Variants in MTX2 observed in about 807,000 individuals in gnomAD.
The protein encoded by MTX2 is metaxin 2, also known as metaxin-2.
In MTX2, 35 loss-of-function variants were observed where a neutral mutation model predicts 42.3. That is an observed-to-expected ratio of 0.83 (90% CI 0.63 to 1.10). The LOEUF (loss-of-function observed/expected upper bound fraction) is 1.10. MTX2 is among the 50% of genes least tolerant of loss of function. MTX2 has a pLI of 0.00. For synonymous variants in MTX2, 119 were observed against 100.9 expected (o/e 1.18, Z -1.08); for missense variants, 307 against 304.1 (o/e 1.01, Z -0.07).
chr2:176,269,763 A>G, intron 1 of MTX2, 94 bp downstream of exon 1: 5 of 1,414,346 alleles, frequency 3.5e-6, no homozygotes, highest in East Asian at 2.7e-5. Flanking sequence ...GCCTTGCGGC[A>G]TTATACGCTG....
At chr2:176,291,582 C>T (rs775660226) in intron 1 of MTX2, among the ~76,000 whole-genome samples, 6 of 151,946 alleles carry the variant, frequency 3.9e-5, no homozygotes, top group Non-Finnish European at 5.9e-5. Flanking sequence ...AGGAGGTCAG[C>T]GAAAACTTCC....
At chr2:176,289,954 A>T (rs772257658) in intron 1 of MTX2, among the ~76,000 whole-genome samples, 1 of 152,150 alleles carries the variant, frequency 6.6e-6, no homozygotes, top group South Asian at 2.1e-4. Flanking sequence ...AATTTTTCAC[A>T]TTCTAGGAAT....
At chr2:176,273,274 C>T (rs1692866792) in intron 1 of MTX2, among the ~76,000 whole-genome samples, 1 of 152,144 alleles carries the variant, frequency 6.6e-6, no homozygotes. Flanking sequence ...AGGGGATATT[C>T]AGACTATAGC....
chr2:176,331,950 A>C (rs780318383), intron 9 of MTX2, among the ~76,000 whole-genome samples: 1 of 151,228 alleles, frequency 6.6e-6, no homozygotes, highest in Non-Finnish European at 1.5e-5. Context: ...TTCTCAGTTA[A>C]ACTCATTGTC....
intron 1 of MTX2, among the ~76,000 whole-genome samples, chr2:176,279,639 C>G (rs958378885): frequency 6.6e-6 from 1 of 152,012 alleles, no homozygotes; most frequent in Admixed American, 6.6e-5. Flanking sequence ...TACTGTTCAT[C>G]GATTTAAGAT....
intron 1 of MTX2, among the ~76,000 whole-genome samples, chr2:176,282,310 T>C (rs1027191441): frequency 2.6e-5 from 4 of 152,040 alleles, no homozygotes; most frequent in Admixed American, 1.3e-4. Flanking sequence ...TTATATTCTT[T>C]TGCAGAAATA....
chr2:176,305,109 T>A (rs1684109117), intron 3 of MTX2, among the ~76,000 whole-genome samples: 1 of 152,008 alleles, frequency 6.6e-6, no homozygotes, highest in South Asian at 2.1e-4. Flanking sequence ...GTGCTGTGTA[T>A]CTAACTTGAA....
chr2:176,300,122 C>T (rs554861146), intron 3 of MTX2, among the ~76,000 whole-genome samples: 51 of 146,124 alleles, frequency 3.5e-4, no homozygotes, highest in Non-Finnish European at 3.5e-4. Flanking sequence ...ATTATACACA[C>T]ATGCACACAC....
chr2:176,281,071 C>T (rs1202043621), intron 1 of MTX2, among the ~76,000 whole-genome samples: 4 of 152,120 alleles, frequency 2.6e-5, no homozygotes, highest in Admixed American at 2.6e-4. Flanking sequence ...CTGGTGAGGA[C>T]TGATAGTAAA....
At chr2:176,274,192 TC>T (rs776735992) in intron 1 of MTX2, among the ~76,000 whole-genome samples, 18 of 152,080 alleles carry the variant, frequency 1.2e-4, no homozygotes, top group Non-Finnish European at 1.9e-4. Flanking sequence ...ATGAAAACAA[TC>T]CAGAGATAAA....
In MTX2 at chr2:176,323,477, T is replaced by C. The variant is rs758856305; in HGVS notation, c.208+13T>C. The stretch of plus-strand genomic sequence containing the variant: ...ATGTCTCCATCTGGTAAGTGTGTTT[T>C]TTTTTCTTCTCTGTTAATATTATGG... On this transcript the variant is annotated intron_variant, in intron 4 of 9. Coordinates refer to ENST00000249442, the MANE Select transcript of MTX2 (RefSeq NM_006554.5). 2.6e-5 allele frequency: 41 copies of C among 1,601,844 alleles called. No individual in the cohort carries two copies. The African/African-American group carries it at 3.9e-4, about 15-fold the overall frequency.
chr2:176,313,024 T>C (rs890526675), intron 3 of MTX2, among the ~76,000 whole-genome samples: 2 of 151,962 alleles, frequency 1.3e-5, no homozygotes, highest in African/African-American at 4.8e-5. Context: ...ATAATTATTT[T>C]AATTTTTCTC....
chr2:176,277,404 C>T (rs988190381), intron 1 of MTX2, among the ~76,000 whole-genome samples: 3 of 152,088 alleles, frequency 2.0e-5, no homozygotes, highest in African/African-American at 7.2e-5. Flanking sequence ...GCATTAAATT[C>T]ATTTTTCTCT....
chr2:176,328,977 G>C, intron 7 of MTX2, 65 bp downstream of exon 7: 1 of 1,330,284 alleles, frequency 7.5e-7, no homozygotes, highest in Non-Finnish European at 1.1e-6. Flanking sequence ...GCTCAGAATC[G>C]CAAGTCCCTG....
intron 3 of MTX2, among the ~76,000 whole-genome samples, chr2:176,311,525 CAGT>C (rs1684307198): frequency 6.6e-6 from 1 of 152,210 alleles, no homozygotes; most frequent in Non-Finnish European, 1.5e-5. Context: ...AGCGTAGAGG[CAGT>C]AGGCCTTGTT....
intron 3 of MTX2, among the ~76,000 whole-genome samples, chr2:176,316,410 G>T (rs34047078): frequency 0.06 from 9,079 of 151,844 alleles, 302 homozygotes; most frequent in Non-Finnish European, 0.08. Context: ...TGTTTGTTTG[G>T]TTTTTGTTTT....
chr2:176,286,508 T>G (rs548577230), intron 1 of MTX2, among the ~76,000 whole-genome samples: 124 of 152,060 alleles, frequency 8.2e-4, no homozygotes, highest in Non-Finnish European at 1.4e-3. Flanking sequence ...CTGCCTTGGG[T>G]ATTCTACTGT....
intron 1 of MTX2, among the ~76,000 whole-genome samples, chr2:176,279,469 T>C (rs942580917): frequency 6.6e-6 from 1 of 152,158 alleles, no homozygotes; most frequent in East Asian, 1.9e-4. Flanking sequence ...TTTTATGTTA[T>C]AGAAAAATGT....
chr2:176,333,955 T>C (rs1684922481), intron 9 of MTX2, among the ~76,000 whole-genome samples: 1 of 151,762 alleles, frequency 6.6e-6, no homozygotes, highest in South Asian at 2.1e-4. Context: ...AAACAGTGCA[T>C]TTCTCAGAAT....
Sources: gnomAD v4.1 joint callset for allele counts (sites outside exome capture counted in the v4.1 genomes callset) on GRCh38, gnomAD v4.1.1 for gene constraint, MANE v1.5 for transcripts, NCBI Gene and HGNC (gene_info 2026-07-23, HGNC 2026-07-21) for gene names.